PDE4A: variants seen among roughly 807,000 people sequenced by gnomAD.
The protein encoded by PDE4A is 3',5'-cyclic-AMP phosphodiesterase 4A.
PDE4A carries 21 observed loss-of-function variants against 73.9 expected under a neutral mutation model. The observed-to-expected ratio is 0.28, with a 90% CI of 0.20 to 0.41. PDE4A has a LOEUF of 0.41. Ranked by LOEUF, PDE4A falls within the 10% of genes least tolerant of loss-of-function variation. The pLI is 1.00. For missense variants in PDE4A, 958 were observed against 1,211.4 expected, an observed-to-expected ratio of 0.79 and a Z score of 3.10; for synonymous variants, 463 against 505.4, an observed-to-expected ratio of 0.92 and a Z score of 1.13.
chr19:10,451,249 C>CA (rs1379068433), intron 6 of PDE4A, among the ~76,000 whole-genome samples: 1 of 150,678 alleles, frequency 6.6e-6, no homozygotes, highest in African/African-American at 2.4e-5. Context: ...GGTATGGGGT[C>CA]AGTCCCTGGG....
intron 7 of PDE4A, among the ~76,000 whole-genome samples, chr19:10,455,685 G>C (rs1387375368): frequency 2.6e-5 from 4 of 151,436 alleles, no homozygotes; most frequent in African/African-American, 7.3e-5. Flanking sequence ...ACTTGAACCC[G>C]GGAGGCAGAG....
intron 14 of PDE4A, among the ~76,000 whole-genome samples, chr19:10,464,881 TA>T (rs1375100322): frequency 6.6e-5 from 10 of 151,506 alleles, no homozygotes; most frequent in African/African-American, 2.4e-4. Context: ...CACACTCGGC[TA>T]ATTTTTGTAT....
chr19:10,430,809 C>T, intron 1 of PDE4A: 1 of 905,776 alleles, frequency 1.1e-6, no homozygotes, highest in Non-Finnish European at 1.3e-6. Flanking sequence ...CGGCGCAGCT[C>T]CCCAGCGCCC....
intron 2 of PDE4A, among the ~76,000 whole-genome samples, chr19:10,448,507 A>T (rs189528574): frequency 1.0e-3 from 156 of 151,750 alleles, no homozygotes; most frequent in African/African-American, 3.6e-3. Context: ...CGAGAGGCAC[A>T]TGCCTGTAAT....
At position 10,467,130 on chromosome 19, in the gene PDE4A, G is replaced by C; in HGVS notation, c.2170G>C (p.Ala724Pro). ...EEEEEEEISM[A>P]QIPCTAQEAL... The stretch of plus-strand genomic sequence containing the variant: ...GGAAGAGGAGGAAGAAATATCAATG[G>C]CCCAGATACCGTGCACAGCCCAAGA... The change falls in exon 15 of 15, where the codon GCC becomes CCC. Residue 724 changes from alanine to proline, a missense_variant. By Grantham distance (27) the Ala-to-Pro change is conservative. Coordinates refer to ENST00000380702, the MANE Select transcript of PDE4A (RefSeq NM_001111307.2). The C allele has an allele frequency of 6.2e-7, 1 of 1,614,182 alleles. No individual in the cohort carries two copies. The highest frequency in any genetic ancestry group is 1.1e-5 in the South Asian group (1 of 91,082).
chr19:10,459,823 G>A lies in PDE4A; in HGVS notation c.1365+64G>A. The A allele has an allele frequency of 4.6e-6, 7 of 1,525,084 alleles. No homozygotes were observed. In the South Asian group the frequency reaches 8.7e-5, roughly 19 times the overall value. 94.5% of individuals were successfully genotyped at this position (1,525,084 alleles called of 1,614,324 possible). ...TTTGTGACTGCCTCTTCAGCCTCCT[G>A]TGTGTCTCTCTGACCCTGTGTCTCT... On this transcript the variant is annotated intron_variant, in intron 10 of 14. Coordinates refer to ENST00000380702, the MANE Select transcript of PDE4A (RefSeq NM_001111307.2).
intron 1 of PDE4A, among the ~76,000 whole-genome samples, chr19:10,441,772 C>T (rs536596433): frequency 6.8e-6 from 1 of 146,152 alleles, no homozygotes; most frequent in African/African-American, 2.5e-5. Context: ...TCACTGCAAC[C>T]TCCGCCTCCT....
At chr19:10,427,668 G>A in intron 1 of PDE4A, 3 of 978,440 alleles carry the variant, frequency 3.1e-6, no homozygotes, top group Non-Finnish European at 3.6e-6. Flanking sequence ...CCATAATCCA[G>A]CTCTGATCTT....
At chr19:10,422,034 G>A (rs928428227) in intron 1 of PDE4A, among the ~76,000 whole-genome samples, 1 of 152,124 alleles carries the variant, frequency 6.6e-6, no homozygotes, top group Admixed American at 6.5e-5. Flanking sequence ...CAGGGTTTGC[G>A]ACAGTGACTG....
intron 1 of PDE4A, among the ~76,000 whole-genome samples, chr19:10,430,601 T>C (rs986661007): frequency 3.3e-5 from 5 of 151,988 alleles, no homozygotes; most frequent in Non-Finnish European, 4.4e-5. Context: ...CGTCCGGCGA[T>C]TGTGAGGACA....
At chr19:10,427,659 C>T (rs1599402802) in intron 1 of PDE4A, 1 of 971,690 alleles carries the variant, frequency 1.0e-6, no homozygotes, top group Non-Finnish European at 1.2e-6. Flanking sequence ...CAGCTGGGTC[C>T]ATAATCCAGC....
At chr19:10,450,159 G>A (rs1002692384) in intron 4 of PDE4A, among the ~76,000 whole-genome samples, 1 of 152,170 alleles carries the variant, frequency 6.6e-6, no homozygotes, top group African/African-American at 2.4e-5. Flanking sequence ...ACTGCTGTGA[G>A]GAGAGGAGAT....
At chr19:10,429,218 A>G (rs929201161) in intron 1 of PDE4A, among the ~76,000 whole-genome samples, 18 of 151,110 alleles carry the variant, frequency 1.2e-4, no homozygotes, top group African/African-American at 4.4e-4. Context: ...GAAGGAGAAA[A>G]GGAAAAGAAA....
chr19:10,423,697 A>G (rs746622439), intron 1 of PDE4A, among the ~76,000 whole-genome samples: 1 of 152,186 alleles, frequency 6.6e-6, no homozygotes, highest in African/African-American at 2.4e-5. Flanking sequence ...GTAGATCTCC[A>G]TTCAGGGACC....
chr19:10,423,171 T>TC, intron 1 of PDE4A: 4 of 977,292 alleles, frequency 4.1e-6, no homozygotes, highest in Non-Finnish European at 4.8e-6. Flanking sequence ...TTTTTTTTTT[T>TC]TTTTTTTTGA....
chr19:10,466,612 A>C (rs2043377359), intron 14 of PDE4A, among the ~76,000 whole-genome samples: 1 of 151,792 alleles, frequency 6.6e-6, no homozygotes, highest in South Asian at 2.1e-4. Context: ...ATTCTGTCTC[A>C]GCCTCCCAAG....
intron 1 of PDE4A, among the ~76,000 whole-genome samples, chr19:10,445,035 G>T (rs960160324): frequency 1.3e-5 from 2 of 152,126 alleles, no homozygotes; most frequent in African/African-American, 2.4e-5. Flanking sequence ...AATGAGTGAG[G>T]GGGGAAGGGA....
Position 10,449,984 on chromosome 19 carries a change from A to G in PDE4A, c.621-619A>G, listed in dbSNP as rs147442903. On this transcript the variant is annotated intron_variant, in intron 4 of 14. Coordinates refer to ENST00000380702, the MANE Select transcript of PDE4A (RefSeq NM_001111307.2). The stretch of plus-strand genomic sequence containing the variant: ...TGGCATGTGTCTGTGGTTCCCACCT[A>G]CACAGAAGGCTAAGGCAGGAGGATA... Among the ~76,000 whole-genome samples the G allele has an allele frequency of 2.6e-5, 4 of 151,918 alleles. No individual in the cohort carries two copies. The East Asian group carries it at 7.7e-4, about 29-fold the overall frequency.
chr19:10,461,870 C>T lies in PDE4A; in HGVS notation c.1621-7C>T, dbSNP rs566214257. ...CAGCGGCCCCAGTGACGCCCCCTTG[C>T]CCGCAGGTGCTGGCCACGGACATGT... On this transcript the variant is annotated splice_polypyrimidine_tract_variant and splice_region_variant and intron_variant, in intron 12 of 14. Coordinates refer to ENST00000380702, the MANE Select transcript of PDE4A (RefSeq NM_001111307.2). The T allele has an allele frequency of 1.2e-5, 20 of 1,611,642 alleles. No individual in the cohort carries two copies. Among genetic ancestry groups the T allele is most frequent in the Non-Finnish European group, 1.4e-5 (17 of 1,178,912 alleles).
Sources: gnomAD v4.1 joint callset for allele counts (sites outside exome capture counted in the v4.1 genomes callset) on GRCh38, gnomAD v4.1.1 for gene constraint, MANE v1.5 for transcripts, NCBI Gene and HGNC (gene_info 2026-07-23, HGNC 2026-07-21) for gene names.